FBXO4: variants seen among roughly 807,000 people sequenced by gnomAD.
The protein encoded by FBXO4 is F-box protein 4.
In FBXO4, 36 loss-of-function variants were observed where a neutral mutation model predicts 43.7. That is an observed-to-expected ratio of 0.82 (90% CI 0.63 to 1.09). The LOEUF (loss-of-function observed/expected upper bound fraction) is 1.09, where lower values mean the gene tolerates loss of function less well. Among genes scored for constraint, FBXO4 ranks in the 50% least tolerant of loss-of-function variants. The pLI is 0.00. For synonymous variants in FBXO4, 180 were observed against 165.6 expected, an observed-to-expected ratio of 1.09 and a Z score of -0.67; for missense variants, 435 against 474.1, an observed-to-expected ratio of 0.92 and a Z score of 0.77.
At chr5:41,937,780 A>C (rs1211111652) in intron 5 of FBXO4, among the ~76,000 whole-genome samples, 1 of 152,234 alleles carries the variant, frequency 6.6e-6, no homozygotes, top group Non-Finnish European at 1.5e-5. Context: ...CAGAAAGGGA[A>C]GCGGGAGACA....
At chr5:41,968,006 C>A in the FBXO4 span, 1 of 430,510 alleles carries the variant, frequency 2.3e-6, no homozygotes, top group South Asian at 1.9e-5. Flanking sequence ...TTGCCAGAGG[C>A]CACCTGCTCC....
At chr5:42,022,936 T>A in the FBXO4 span, among the ~76,000 whole-genome samples, 1 of 152,098 alleles carries the variant, frequency 6.6e-6, no homozygotes. Flanking sequence ...TGTGAATAGA[T>A]AATTTGAACA....
chr5:41,993,947 C>T, the FBXO4 span, among the ~76,000 whole-genome samples: 7 of 152,100 alleles, frequency 4.6e-5, no homozygotes, highest in East Asian at 1.9e-4. Flanking sequence ...AGCCCATTGA[C>T]GCAAATGTTA....
chr5:41,953,841 GTTGT>G, the FBXO4 span, among the ~76,000 whole-genome samples: 3 of 151,874 alleles, frequency 2.0e-5, no homozygotes, highest in East Asian at 5.8e-4. Flanking sequence ...TTTTGATGGG[GTTGT>G]TTGTTTTTTT....
At chr5:41,933,912 G>T (rs1428949369) in intron 3 of FBXO4, 34 bp from the exon 4 acceptor site, 3 of 1,547,372 alleles carry the variant, frequency 1.9e-6, no homozygotes, top group East Asian at 2.3e-5. Context: ...TTTTATTAAT[G>T]ATTTGTTTTG....
At chr5:42,016,577 A>AT in the FBXO4 span, among the ~76,000 whole-genome samples, 155 of 152,052 alleles carry the variant, frequency 1.0e-3, no homozygotes, top group East Asian at 3.5e-3. Context: ...TAAATAAACA[A>AT]TTTTTTTATT....
chr5:41,947,875 T>C, the FBXO4 span, among the ~76,000 whole-genome samples: 1 of 152,172 alleles, frequency 6.6e-6, no homozygotes, highest in Non-Finnish European at 1.5e-5. Flanking sequence ...AGGGATCAGG[T>C]ATCACAAGGG....
At chr5:41,967,833 T>C in the FBXO4 span, 1 of 598,162 alleles carries the variant, frequency 1.7e-6, no homozygotes, top group Non-Finnish European at 3.3e-6. Context: ...CATTATTCAA[T>C]TTATTGATTA....
chr5:41,953,329 T>C, the FBXO4 span, among the ~76,000 whole-genome samples: 1 of 151,732 alleles, frequency 6.6e-6, no homozygotes, highest in Non-Finnish European at 1.5e-5. Context: ...CATGAACTCA[T>C]CATTTTTTAT....
At chr5:41,990,969 A>G in the FBXO4 span, among the ~76,000 whole-genome samples, 1 of 152,168 alleles carries the variant, frequency 6.6e-6, no homozygotes, top group Non-Finnish European at 1.5e-5. Flanking sequence ...ATTGTCATGA[A>G]CTTTATTCTA....
At chr5:41,996,554 T>C in the FBXO4 span, among the ~76,000 whole-genome samples, 1 of 152,202 alleles carries the variant, frequency 6.6e-6, no homozygotes, top group Non-Finnish European at 1.5e-5. Context: ...CAGAGCAGCT[T>C]GAACAGCAGC....
chr5:41,942,753 C>G (rs376309241), downstream of FBXO4, among the ~76,000 whole-genome samples: 272 of 152,110 alleles, frequency 1.8e-3, 7 homozygotes, highest in South Asian at 0.054. Flanking sequence ...ATAGGACTTG[C>G]TGCATGTCTT....
chr5:41,937,718 C>A (rs1751884902), intron 5 of FBXO4, among the ~76,000 whole-genome samples: 1 of 152,228 alleles, frequency 6.6e-6, no homozygotes, highest in African/African-American at 2.4e-5. Context: ...AAGGCACCAG[C>A]ATCTGGTGTC....
At chr5:42,025,551 T>A in the FBXO4 span, among the ~76,000 whole-genome samples, 1 of 152,064 alleles carries the variant, frequency 6.6e-6, no homozygotes, top group South Asian at 2.1e-4. Flanking sequence ...CTTGATGCGA[T>A]CCCATTTATT....
the FBXO4 span, among the ~76,000 whole-genome samples, chr5:42,011,627 C>A: frequency 1.3e-5 from 2 of 152,142 alleles, no homozygotes; most frequent in Non-Finnish European, 2.9e-5. Context: ...CTAGCTGAGG[C>A]TCTATTGTTT....
chr5:41,943,390 A>C (rs1752032513), downstream of FBXO4, among the ~76,000 whole-genome samples: 1 of 152,250 alleles, frequency 6.6e-6, no homozygotes, highest in African/African-American at 2.4e-5. Context: ...ACATGGCCAC[A>C]AGTAAGTCCC....
At chr5:42,009,908 C>T in the FBXO4 span, among the ~76,000 whole-genome samples, 226 of 152,282 alleles carry the variant, frequency 1.5e-3, no homozygotes, top group African/African-American at 5.2e-3. Context: ...AAACTCTATA[C>T]ATATTAAATG....
At chr5:41,969,457 C>T in the FBXO4 span, among the ~76,000 whole-genome samples, 1 of 152,110 alleles carries the variant, frequency 6.6e-6, no homozygotes, top group Non-Finnish European at 1.5e-5. Context: ...GATAGAACAT[C>T]TCAGACTAGA....
At chr5:41,961,546 C>T in the FBXO4 span, among the ~76,000 whole-genome samples, 1 of 152,156 alleles carries the variant, frequency 6.6e-6, no homozygotes, top group South Asian at 2.1e-4. Context: ...TGTGCAGGTG[C>T]TTGTGCAGCA....
Sources: gnomAD v4.1 joint callset for allele counts (sites outside exome capture counted in the v4.1 genomes callset) on GRCh38, gnomAD v4.1.1 for gene constraint, MANE v1.5 for transcripts, NCBI Gene and HGNC (gene_info 2026-07-23, HGNC 2026-07-21) for gene names.